Variants in PRR16 observed in about 807,000 individuals in gnomAD.
PRR16 encodes the protein protein Largen.
In PRR16, 6 loss-of-function variants were observed where a neutral mutation model predicts 18.2. That is an observed-to-expected ratio of 0.33 (90% confidence interval 0.18 to 0.65). The LOEUF is 0.65. Among genes scored for constraint, PRR16 ranks in the 30% least tolerant of loss-of-function variants. The pLI is 0.74. For synonymous variants in PRR16, 151 were observed against 147.8 expected, an observed-to-expected ratio of 1.02 and a Z score of -0.16; for missense variants, 412 against 376.6, an observed-to-expected ratio of 1.09 and a Z score of -0.78.
intron 1 of PRR16, among the ~76,000 whole-genome samples, chr5:120,628,605 ATTTT>A: frequency 6.6e-6 from 1 of 152,080 alleles, no homozygotes; most frequent in Middle Eastern, 3.4e-3. Flanking sequence ...TGTATCTTTT[ATTTT>A]TTGTATGAAA....
At chr5:120,684,011 G>C (rs1757048863) in intron 1 of PRR16, among the ~76,000 whole-genome samples, 1 of 151,982 alleles carries the variant, frequency 6.6e-6, no homozygotes, top group Non-Finnish European at 1.5e-5. Flanking sequence ...AAATCATAGA[G>C]GCTCAGAGTA....
At chr5:120,647,924 C>T (rs551985774) in intron 1 of PRR16, among the ~76,000 whole-genome samples, 76 of 152,058 alleles carry the variant, frequency 5.0e-4, no homozygotes, top group Non-Finnish European at 8.5e-4. Flanking sequence ...AATAATACAG[C>T]AATAAATGCA....
At chr5:120,596,246 T>A (rs1753810976) in intron 1 of PRR16, among the ~76,000 whole-genome samples, 1 of 151,682 alleles carries the variant, frequency 6.6e-6, no homozygotes. Context: ...TATGGGAAAG[T>A]CTTTTTCTTT....
At chr5:120,487,321 A>C (rs1029459385) in intron 1 of PRR16, among the ~76,000 whole-genome samples, 171 of 152,096 alleles carry the variant, frequency 1.1e-3, no homozygotes, top group Non-Finnish European at 1.0e-3. Flanking sequence ...GTTTTATTTC[A>C]TTGAGCAGTG....
chr5:120,753,112 G>A, the PRR16 span, among the ~76,000 whole-genome samples: 680 of 152,114 alleles, frequency 4.5e-3, 10 homozygotes, highest in African/African-American at 0.016. Context: ...CAATGAGTGA[G>A]CATTTGTAAA....
At chr5:120,785,178 TA>T in the PRR16 span, among the ~76,000 whole-genome samples, 1 of 152,172 alleles carries the variant, frequency 6.6e-6, no homozygotes, top group African/African-American at 2.4e-5. Flanking sequence ...CAGTATTGGT[TA>T]TTTTTTTTCC....
the PRR16 span, among the ~76,000 whole-genome samples, chr5:120,693,321 A>G: frequency 5.7e-4 from 87 of 152,312 alleles, no homozygotes; most frequent in African/African-American, 2.1e-3. Flanking sequence ...TGAGTCATTA[A>G]GTATGTATCC....
the PRR16 span, among the ~76,000 whole-genome samples, chr5:120,742,126 TATATA>T: frequency 3.3e-5 from 5 of 152,022 alleles, no homozygotes; most frequent in Non-Finnish European, 1.5e-5. Flanking sequence ...TTTTATACAA[TATATA>T]ATATTTCATT....
At chr5:120,775,112 TATC>T in the PRR16 span, among the ~76,000 whole-genome samples, 15 of 152,168 alleles carry the variant, frequency 9.9e-5, no homozygotes, top group African/African-American at 3.4e-4. Flanking sequence ...ACAGAAACAA[TATC>T]AACAAAGAGT....
intron 1 of PRR16, among the ~76,000 whole-genome samples, chr5:120,517,340 T>C (rs1157750896): frequency 6.6e-6 from 1 of 152,160 alleles, no homozygotes; most frequent in Admixed American, 6.6e-5. Context: ...GCTCTGACCA[T>C]CCACCACAGA....
intron 1 of PRR16, among the ~76,000 whole-genome samples, chr5:120,470,879 A>G (rs1749245921): frequency 1.3e-5 from 2 of 152,154 alleles, no homozygotes; most frequent in Non-Finnish European, 2.9e-5. Flanking sequence ...AAAGAACAGC[A>G]TTAACCGCCA....
At position 120,501,773 on chromosome 5, in the gene PRR16, A is replaced by G. The variant is rs112121876; in HGVS notation, c.159+37128A>G. Among the ~76,000 whole-genome samples, 641 of 151,872 alleles carry G rather than the reference A, an allele frequency of 4.2e-3. 2 individuals carry two copies. The highest frequency in any genetic ancestry group is 7.0e-3 in the Non-Finnish European group (473 of 67,902). ...AGACTGAGACCATCCTGGCTACCAC[A>G]GTGAAACCCTGTCTCAACTAAAAAT... On this transcript the variant is annotated intron_variant, in intron 1 of 1. Coordinates refer to ENST00000407149, the MANE Select transcript of PRR16 (RefSeq NM_001300783.2).
chr5:120,597,246 G>A (rs1480521381), intron 1 of PRR16, among the ~76,000 whole-genome samples: 1 of 151,334 alleles, frequency 6.6e-6, no homozygotes, highest in Non-Finnish European at 1.5e-5. Context: ...TCTATTGGTT[G>A]TTTTTAATAT....
intron 1 of PRR16, among the ~76,000 whole-genome samples, chr5:120,510,227 G>A (rs991572979): frequency 1.3e-5 from 2 of 152,136 alleles, no homozygotes; most frequent in African/African-American, 4.8e-5. Flanking sequence ...TGTCTCTGAA[G>A]CAATGGCATT....
the PRR16 span, among the ~76,000 whole-genome samples, chr5:120,764,299 T>C: frequency 6.6e-6 from 1 of 151,750 alleles, no homozygotes; most frequent in Non-Finnish European, 1.5e-5. Flanking sequence ...ATGCGTTTTC[T>C]GCATGTATTG....
At chr5:120,569,793 C>A (rs555884840) in intron 1 of PRR16, among the ~76,000 whole-genome samples, 4 of 151,934 alleles carry the variant, frequency 2.6e-5, no homozygotes, top group African/African-American at 9.6e-5. Flanking sequence ...ATAATACATG[C>A]CAGTTAAGTA....
chr5:120,689,582 C>T (rs905569182), downstream of PRR16, among the ~76,000 whole-genome samples: 1 of 152,034 alleles, frequency 6.6e-6, no homozygotes, highest in African/African-American at 2.4e-5. Context: ...TTACACATAG[C>T]GTTTATCACA....
At chr5:120,767,180 C>T in the PRR16 span, among the ~76,000 whole-genome samples, 3 of 151,964 alleles carry the variant, frequency 2.0e-5, no homozygotes, top group Admixed American at 6.6e-5. Context: ...AGTTAACATT[C>T]GCATTTGTGT....
chr5:120,786,769 CTGCCCTTACTGCATAGAAATG>C, the PRR16 span, among the ~76,000 whole-genome samples: 1 of 151,934 alleles, frequency 6.6e-6, no homozygotes. Flanking sequence ...TTAAATCATA[CTGCCCTTACTGCATAGAAATG>C]TTCTCAGTCA....
Sources: allele counts gnomAD v4.1 joint callset (sites outside exome capture counted in the v4.1 genomes callset), GRCh38; gene constraint gnomAD v4.1.1; transcripts MANE v1.5; gene names NCBI Gene and HGNC (gene_info 2026-07-23, HGNC 2026-07-21).